The following NPHP1 variants were observed in gnomAD, a reference collection of about 807,000 sequenced individuals.
NPHP1 encodes nephrocystin 1.
Under a neutral mutation model 90.4 loss-of-function variants are expected in NPHP1, and 70 were observed. That is an observed-to-expected ratio of 0.77 (90% CI 0.64 to 0.95). The LOEUF (loss-of-function observed/expected upper bound fraction) is 0.95, where lower values mean the gene tolerates loss of function less well. NPHP1 is among the 40% of genes least tolerant of loss of function. The probability of loss-of-function intolerance (pLI) is 0.00; values close to 1 mark genes in which losing one functional copy is unlikely to be tolerated. For synonymous variants in NPHP1, 256 were observed against 271.7 expected (o/e 0.94, Z 0.57); for missense variants, 764 against 795.9 (o/e 0.96, Z 0.48).
At chr2:110,160,030 T>C in intron 11 of NPHP1, 97 bp downstream of exon 11, 1 of 1,345,946 alleles carries the variant, frequency 7.4e-7, no homozygotes. Flanking sequence ...TAAAAAATAC[T>C]CTCTTGGGAA....
chr2:110,142,014 G>A (rs1007016806), intron 16 of NPHP1, among the ~76,000 whole-genome samples: 1 of 150,152 alleles, frequency 6.7e-6, no homozygotes. Context: ...AATGAAAACA[G>A]TTTGGCAGTT....
At chr2:110,186,763 C>T (rs1684307492) in intron 2 of NPHP1, among the ~76,000 whole-genome samples, 1 of 152,058 alleles carries the variant, frequency 6.6e-6, no homozygotes, top group Admixed American at 6.5e-5. Context: ...CAAGCCTGTC[C>T]CTCGCACAGC....
intron 7 of NPHP1, 37 bp from the exon 8 acceptor site, chr2:110,164,767 T>C: frequency 6.5e-7 from 1 of 1,534,316 alleles, no homozygotes; most frequent in Non-Finnish European, 9.0e-7. Flanking sequence ...TCAGGTCAGG[T>C]TATGCCTATT....
intron 2 of NPHP1, among the ~76,000 whole-genome samples, chr2:110,190,459 G>A (rs879446836): frequency 2.6e-5 from 4 of 152,202 alleles, no homozygotes; most frequent in Non-Finnish European, 5.9e-5. Context: ...GCCCAGGGCC[G>A]GTGGGGCTGG....
intron 2 of NPHP1, among the ~76,000 whole-genome samples, chr2:110,185,695 G>C (rs1329211780): frequency 6.6e-6 from 1 of 152,156 alleles, no homozygotes; most frequent in South Asian, 2.1e-4. Context: ...CCTCTGTCTG[G>C]TTTTGTTGCC....
At chr2:110,168,617 C>T (rs1446908970) in intron 5 of NPHP1, 64 bp from the exon 6 acceptor site, 4 of 1,044,910 alleles carry the variant, frequency 3.8e-6, no homozygotes, top group East Asian at 2.4e-5. Flanking sequence ...TATGTCAATA[C>T]CAATGATTCA....
At chr2:110,135,404 G>A (rs1485339478) in intron 16 of NPHP1, among the ~76,000 whole-genome samples, 5 of 147,762 alleles carry the variant, frequency 3.4e-5, no homozygotes, top group African/African-American at 7.5e-5. Context: ...GTGAACCCGG[G>A]AGGCGGAGCT....
rs779592758 is a variant in NPHP1 at position 110,164,698 on chromosome 2, G to A, written c.761C>T (p.Ala254Val). The change falls in exon 8 of 20, where the codon GCG (alanine) becomes GTG (valine). Residue 254 changes from alanine to valine, a missense_variant. Transcript: ENST00000445609. ...TDPHWSAVQK[A>V]ISEQINTVDV... ...ACAGAAGATGCCCGCCTCTGAAATC[G>A]CTTTCTGAACAGCACTCCAGTGGGG... The A allele has an allele frequency of 6.8e-6, 11 of 1,613,992 alleles. No homozygotes were observed. Among genetic ancestry groups the A allele is most frequent in the Middle Eastern group, 1.7e-4 (1 of 6,060 alleles).
At chr2:110,169,530 T>C (rs1682960718) in intron 5 of NPHP1, among the ~76,000 whole-genome samples, 1 of 152,132 alleles carries the variant, frequency 6.6e-6, no homozygotes, top group Non-Finnish European at 1.5e-5. Flanking sequence ...CTTGAATGAA[T>C]TTATACATGA....
rs1682872984 is a variant in NPHP1 at position 110,168,462 on chromosome 2, G to T, written c.614C>A (p.Thr205Asn). Reference sequence around the variant, plus strand: ...TAAACCAAGACTAACCTCTAGGTAGGTTCTGGGAACAAGACCTTCATTTCC... The same window carrying T: ...TAAACCAAGACTAACCTCTAGGTAGTTTCTGGGAACAAGACCTTCATTTCC... ...AKGNEGLVPRTYLEPYSEEEE... is the reference protein window; with the variant it reads ...AKGNEGLVPRNYLEPYSEEEE... Residue 205 changes from threonine to asparagine, a missense_variant, in exon 6 of 20, where the codon ACC becomes AAC. Transcript: ENST00000445609. 6.2e-7 allele frequency: 1 copy of T among 1,609,526 alleles called. No individual in the cohort carries two copies. Among genetic ancestry groups the T allele is most frequent in the Non-Finnish European group, 8.5e-7 (1 of 1,176,120 alleles).
At chr2:110,139,227 ACACACG>A (rs1223423973) in intron 16 of NPHP1, among the ~76,000 whole-genome samples, 6 of 151,992 alleles carry the variant, frequency 3.9e-5, no homozygotes, top group Non-Finnish European at 7.4e-5. Context: ...ACACACACAC[ACACACG>A]CAACCTACTT....
chr2:110,186,541 G>A (rs553306948), intron 2 of NPHP1, among the ~76,000 whole-genome samples: 1 of 152,254 alleles, frequency 6.6e-6, no homozygotes, highest in African/African-American at 2.4e-5. Flanking sequence ...CCCAGGTGGT[G>A]CAAAGCTGGG....
intron 15 of NPHP1, chr2:110,144,258 T>C (rs1266198600): frequency 3.8e-6 from 2 of 525,754 alleles, no homozygotes; most frequent in African/African-American, 3.8e-5. Context: ...GAAAAGGAAC[T>C]AATGCATTAG....
intron 19 of NPHP1, chr2:110,125,093 CAG>C: frequency 1.7e-6 from 2 of 1,146,606 alleles, no homozygotes; most frequent in South Asian, 1.7e-5. Context: ...AGTAGTGTGA[CAG>C]AGACCACAAG....
intron 16 of NPHP1, among the ~76,000 whole-genome samples, chr2:110,137,083 C>G (rs1680256409): frequency 6.6e-6 from 1 of 152,082 alleles, no homozygotes; most frequent in African/African-American, 2.4e-5. Flanking sequence ...AAAGGATTCC[C>G]TATTTAATAA....
intron 16 of NPHP1, among the ~76,000 whole-genome samples, chr2:110,141,737 C>T (rs1347694869): frequency 6.6e-6 from 1 of 151,872 alleles, no homozygotes; most frequent in East Asian, 1.9e-4. Flanking sequence ...CTTTGGGAGG[C>T]CGAGGTGGGC....
rs566875282 is a variant in NPHP1 at position 110,204,985 on chromosome 2, C to T, written c.-17G>A. The T allele has an allele frequency of 3.8e-4, 617 of 1,613,558 alleles. 3 individuals carry two copies. The South Asian group carries it at 6.4e-3, about 17-fold the overall frequency. Reference sequence around the variant, plus strand: ...CGCCAGCATCTCCCTGGCTGCGGTGCTCTGATTGCTCCAGTTGCCAGGGAA... The same window carrying T: ...CGCCAGCATCTCCCTGGCTGCGGTGTTCTGATTGCTCCAGTTGCCAGGGAA... On this transcript the variant is annotated 5_prime_UTR_variant, in exon 1 of 20. Coordinates refer to ENST00000445609, the MANE Select transcript of NPHP1 (RefSeq NM_001128178.3).
chr2:110,160,972 G>C (rs2104545719), intron 10 of NPHP1, among the ~76,000 whole-genome samples: 1 of 152,124 alleles, frequency 6.6e-6, no homozygotes, highest in Non-Finnish European at 1.5e-5. Context: ...TTTGAGACCA[G>C]CCTGGCAACG....
chr2:110,150,126 A>C, intron 12 of NPHP1, 56 bp downstream of exon 12: 1 of 1,232,516 alleles, frequency 8.1e-7, no homozygotes, highest in Non-Finnish European at 1.2e-6. Flanking sequence ...TTATAGAAAT[A>C]TGAATATGTT....
Sources: gnomAD v4.1 joint callset for allele counts (sites outside exome capture counted in the v4.1 genomes callset) on GRCh38, gnomAD v4.1.1 for gene constraint, MANE v1.5 for transcripts, NCBI Gene and HGNC (gene_info 2026-07-23, HGNC 2026-07-21) for gene names.